The following SPTBN4 variants were observed in gnomAD, a reference collection of about 807,000 sequenced individuals.
SPTBN4 encodes spectrin beta chain, non-erythrocytic 4.
A neutral mutation model predicts 277.8 loss-of-function variants in SPTBN4; 96 were observed. That is an observed-to-expected ratio of 0.35 (90% CI 0.29 to 0.41). SPTBN4 has a LOEUF of 0.41. SPTBN4 is among the 10% of genes least tolerant of loss of function. The pLI, the probability that SPTBN4 is intolerant of heterozygous loss-of-function variation, is 1.00. For missense variants in SPTBN4, 3,006 were observed against 3,595.7 expected (o/e 0.84, Z 4.19); for synonymous variants, 1,481 against 1,580.3 (o/e 0.94, Z 1.49).
chr19:40,566,335 C>G lies in SPTBN4; in HGVS notation c.6312C>G (p.Phe2104Leu). Residue 2104 changes from phenylalanine (F) to leucine (L), a missense_variant, in exon 30 of 36, where the codon TTC (phenylalanine) becomes TTG (leucine). By Grantham distance (22) the Phe-to-Leu change is conservative (BLOSUM62 0). Around this residue, in one of 5 missense-constraint regions of SPTBN4, gnomAD observed 630 missense variants for 677.6 expected, o/e 0.93. Coordinates refer to ENST00000598249, the MANE Select transcript of SPTBN4 (RefSeq NM_020971.3). The stretch of plus-strand genomic sequence containing the variant: ...CGGCTGCAGCCTGGGAAGAGAGGTT[C>G]AGCTCTCTGCGGCGCCTGACCACGG... ...RKAAAAWEER[F>L]SSLRRLTTIE... is the part of the protein sequence containing the mutation. 6.3e-7 allele frequency: 1 copy of G among 1,580,518 alleles called. No individual in the cohort carries two copies. The highest frequency in any genetic ancestry group is 8.6e-7 in the Non-Finnish European group (1 of 1,163,698).
intron 2 of SPTBN4, among the ~76,000 whole-genome samples, chr19:40,474,210 C>A (rs919450882): frequency 1.4e-5 from 2 of 140,108 alleles, no homozygotes; most frequent in Non-Finnish European, 3.1e-5. Context: ...GTTATCATCA[C>A]AGACCTAAGA....
rs1388514886 is a variant in SPTBN4 at position 40,568,211 on chromosome 19, G to A, written c.6885G>A (p.Arg2295=). 3 of 1,600,936 alleles carry A rather than the reference G, an allele frequency of 1.9e-6. No individual in the cohort carries two copies. The highest frequency in any genetic ancestry group is 2.6e-6 in the Non-Finnish European group (3 of 1,174,112). The stretch of plus-strand genomic sequence containing the variant: ...AGCAGATGGAGCGGCGGCGCGAGCG[G>A]CGTGAGCGGCGCTTGGAGCGGCAGG... ...RYEQMERRRE[R]RERRLERQES... The change falls in exon 31 of 36, where the codon CGG becomes CGA. Residue 2295 remains arginine (R), a synonymous_variant. Transcript: ENST00000598249.
chr19:40,477,418 T>C (rs1005435940), intron 2 of SPTBN4, among the ~76,000 whole-genome samples: 3 of 152,088 alleles, frequency 2.0e-5, no homozygotes, highest in African/African-American at 7.2e-5. Flanking sequence ...AGGGGCATAG[T>C]GGTGACTGAG....
intron 26 of SPTBN4, among the ~76,000 whole-genome samples, chr19:40,557,700 C>T (rs1447092974): frequency 2.0e-5 from 3 of 152,056 alleles, no homozygotes; most frequent in African/African-American, 7.2e-5. Flanking sequence ...GGCGGATCAT[C>T]TGAGGTCAGG....
intron 18 of SPTBN4, chr19:40,530,495 C>T: frequency 1.0e-6 from 1 of 979,984 alleles, no homozygotes; most frequent in Non-Finnish European, 1.2e-6. Context: ...GCCGGAGCCT[C>T]AGCCTTCGCC....
intron 20 of SPTBN4, 63 bp downstream of exon 20, chr19:40,534,406 A>T (rs565181684): frequency 6.4e-6 from 10 of 1,565,324 alleles, no homozygotes; most frequent in South Asian, 3.5e-5. Flanking sequence ...TCAGGGTCCA[A>T]CCCCACTCAA....
chr19:40,515,611 C>T lies in SPTBN4; in HGVS notation c.2903+163C>T, dbSNP rs1038053652. ...TCATAATCCCTGATACTGGTGATGACGTGGTAAAATTAAAACAACATTTCA... is the reference window on the plus strand; with the variant it reads ...TCATAATCCCTGATACTGGTGATGATGTGGTAAAATTAAAACAACATTTCA... On this transcript the variant is annotated intron_variant, in intron 15 of 35. Transcript: ENST00000598249. The surrounding 1 kb of genome is among the most constrained non-coding windows in gnomAD (Gnocchi z 4.1). 2.6e-5 allele frequency among the ~76,000 whole-genome samples: 4 copies of T among 152,156 alleles called. No individual in the cohort carries two copies. In the South Asian group the frequency reaches 6.2e-4, roughly 24 times the overall value.
intron 35 of SPTBN4, among the ~76,000 whole-genome samples, chr19:40,574,498 A>G (rs2081183082): frequency 6.6e-6 from 1 of 151,750 alleles, no homozygotes; most frequent in Non-Finnish European, 1.5e-5. Flanking sequence ...GGTGACTGGG[A>G]TTACAGGCTT....
At chr19:40,524,315 G>T (rs915165907) in intron 17 of SPTBN4, among the ~76,000 whole-genome samples, 28 of 151,376 alleles carry the variant, frequency 1.8e-4, no homozygotes, top group Non-Finnish European at 2.1e-4. Flanking sequence ...GACCAGCCTG[G>T]GCAACATAGT....
intron 33 of SPTBN4, chr19:40,571,030 G>A (rs1219116464): frequency 5.1e-6 from 2 of 388,378 alleles, no homozygotes; most frequent in East Asian, 1.1e-4. Context: ...CAGGACCTAA[G>A]GTTAGTGCAT....
At chr19:40,521,643 T>C (rs1599761133) in intron 16 of SPTBN4, among the ~76,000 whole-genome samples, 1 of 152,130 alleles carries the variant, frequency 6.6e-6, no homozygotes, top group East Asian at 1.9e-4. Context: ...TCGCCCCCCC[T>C]CCACCTCCTG....
intron 20 of SPTBN4, among the ~76,000 whole-genome samples, chr19:40,538,536 C>T (rs924819395): frequency 2.0e-5 from 3 of 152,164 alleles, no homozygotes; most frequent in Non-Finnish European, 2.9e-5. Flanking sequence ...GGTGTTTGCC[C>T]GTGCAGTGAC....
At chr19:40,566,469 G>GT (rs1188914046) in intron 30 of SPTBN4, 110 bp downstream of exon 30, 1 of 1,061,080 alleles carries the variant, frequency 9.4e-7, no homozygotes, top group Non-Finnish European at 1.3e-6. Context: ...CCTGTGTTGT[G>GT]TGAGTGCCAA....
chr19:40,518,845 A>G (rs2080489610), intron 15 of SPTBN4, among the ~76,000 whole-genome samples: 1 of 152,210 alleles, frequency 6.6e-6, no homozygotes, highest in South Asian at 2.1e-4. Flanking sequence ...TCAGTGTGCC[A>G]TAAACGAGTT....
chr19:40,489,228 A>AAAAAG (rs781378644), intron 3 of SPTBN4, among the ~76,000 whole-genome samples: 5 of 141,680 alleles, frequency 3.5e-5, no homozygotes, highest in Admixed American at 7.1e-5. Flanking sequence ...AAAAAAAAAA[A>AAAAAG]AAAGAAAGAA....
chr19:40,575,915 T>C lies in SPTBN4; in HGVS notation c.*346T>C, dbSNP rs1441758689. ...CAGATCCTGCCCCAAGAAGCTGGGG[T>C]GGTGGGGGCAGTAATTCCTGCCCCC... On this transcript the variant is annotated 3_prime_UTR_variant, in exon 36 of 36. Transcript: ENST00000598249. 4.0e-5 allele frequency: 8 copies of C among 199,626 alleles called. No individual in the cohort carries two copies. In the Admixed American group the frequency reaches 4.5e-4, roughly 11 times the overall value. The allele number at this position is 199,626 out of a possible 1,614,324, so 12.4% of individuals were successfully genotyped here. A position where few individuals can be genotyped will look rare whatever the true frequency, so the allele number is the denominator to read the frequency against.
Position 40,512,959 on chromosome 19 carries a change from G to A in SPTBN4, c.2170G>A (p.Glu724Lys). The change falls in exon 14 of 36, where the codon GAG becomes AAG. Residue 724 changes from glutamate to lysine, a missense_variant. Coordinates refer to ENST00000598249, the MANE Select transcript of SPTBN4 (RefSeq NM_020971.3). ...GCAGCAGGCCCTGCGGTGTGGCGAGGAGCTGGTTGCGGCCGGCGGTGCCGT... is the reference window on the plus strand; with the variant it reads ...GCAGCAGGCCCTGCGGTGTGGCGAGAAGCTGGTTGCGGCCGGCGGTGCCGT... ...LLQQALRCGEELVAAGGAVGP... is the reference protein window; with the variant it reads ...LLQQALRCGEKLVAAGGAVGP... The A allele has an allele frequency of 6.4e-6, 9 of 1,414,252 alleles. No homozygotes were observed. The highest frequency in any genetic ancestry group is 1.5e-5 in the South Asian group (1 of 67,322). 87.6% of individuals were successfully genotyped at this position (1,414,252 alleles called of 1,614,324 possible). A position where few individuals can be genotyped will look rare whatever the true frequency, so the allele number is the denominator to read the frequency against.
At chr19:40,565,895 G>C (rs991837309) in intron 29 of SPTBN4, 150 bp downstream of exon 29, 28 of 954,682 alleles carry the variant, frequency 2.9e-5, no homozygotes, top group Non-Finnish European at 4.0e-5. Flanking sequence ...GGTGGACAAG[G>C]GGGCTGCCTT....
At chr19:40,504,853 A>G (rs1332121539) in intron 12 of SPTBN4, among the ~76,000 whole-genome samples, 1 of 151,636 alleles carries the variant, frequency 6.6e-6, no homozygotes, top group Non-Finnish European at 1.5e-5. Context: ...TTCTGTTTCA[A>G]AAAAAAAGAG....
Sources: gnomAD v4.1 joint callset for allele counts (sites outside exome capture counted in the v4.1 genomes callset) on GRCh38, gnomAD v4.1.1 for gene constraint, gnomAD v4.1.1 regional missense constraint, Gnocchi (gnomAD v3.1) non-coding constraint, MANE v1.5 for transcripts, NCBI Gene and HGNC (gene_info 2026-07-23, HGNC 2026-07-21) for gene names.